ANKHD1: variants seen among roughly 807,000 people sequenced by gnomAD.
The protein encoded by ANKHD1 is ankyrin repeat and KH domain containing 1.
Under a neutral mutation model 230.5 loss-of-function variants are expected in ANKHD1, and 31 were observed. That is an observed-to-expected ratio of 0.13 (90% confidence interval 0.10 to 0.18). The LOEUF (loss-of-function observed/expected upper bound fraction) is 0.18. Among genes scored for constraint, ANKHD1 ranks in the 10% least tolerant of loss-of-function variants. ANKHD1 has a pLI of 1.00. For missense variants in ANKHD1, 2,256 were observed against 3,071.3 expected (o/e 0.73, Z 6.27); for synonymous variants, 1,074 against 1,117.6 (o/e 0.96, Z 0.78).
At chr5:140,403,232 G>A (rs901165194) in intron 1 of ANKHD1, among the ~76,000 whole-genome samples, 2 of 152,008 alleles carry the variant, frequency 1.3e-5, no homozygotes. Flanking sequence ...GCCTCCCAAA[G>A]TGCTGGGATT....
chr5:140,492,600 T>C (rs914627381), intron 14 of ANKHD1, among the ~76,000 whole-genome samples: 39 of 152,204 alleles, frequency 2.6e-4, no homozygotes, highest in African/African-American at 2.2e-4. Flanking sequence ...TTTTTAGTTA[T>C]ACTTTTTCAA....
chr5:140,447,757 AGAT>A (rs1178430939), intron 6 of ANKHD1, among the ~76,000 whole-genome samples: 1 of 152,206 alleles, frequency 6.6e-6, no homozygotes, highest in African/African-American at 2.4e-5. Flanking sequence ...CCTAAAACCA[AGAT>A]GATAGCTAGG....
chr5:140,469,241 G>A (rs1305395730), intron 10 of ANKHD1, among the ~76,000 whole-genome samples: 1 of 150,114 alleles, frequency 6.7e-6, no homozygotes, highest in Non-Finnish European at 1.5e-5. Context: ...AGTAGCTCAA[G>A]TCTTTAATCC....
Position 140,482,641 on chromosome 5 carries a change from G to C in ANKHD1, c.1844G>C (p.Cys615Ser). 6.2e-7 allele frequency: 1 copy of C among 1,612,936 alleles called. No individual in the cohort carries two copies. The highest frequency in any genetic ancestry group is 8.5e-7 in the Non-Finnish European group (1 of 1,179,526). ...LMKAARAGHL[C>S]TVQFLISKGA... Reference sequence around the variant, plus strand: ...AAAGCTGCAAGAGCTGGTCATTTGTGCACTGTGCAGTTTCTTATTAGCAAA... The same window carrying C: ...AAAGCTGCAAGAGCTGGTCATTTGTCCACTGTGCAGTTTCTTATTAGCAAA... Residue 615 changes from cysteine to serine, a missense_variant, in exon 11 of 34, where the codon TGC (cysteine) becomes TCC (serine). Physicochemically the swap from Cys to Ser is moderately radical, Grantham distance 112 (BLOSUM62 -1). This residue lies in a region of ANKHD1 where 179 missense variants were observed against 261.8 expected (regional missense o/e 0.68). Coordinates refer to ENST00000360839, the MANE Select transcript of ANKHD1 (RefSeq NM_017747.3).
chr5:140,411,443 A>G (rs908809541), intron 1 of ANKHD1, among the ~76,000 whole-genome samples: 1 of 151,178 alleles, frequency 6.6e-6, no homozygotes, highest in African/African-American at 2.4e-5. Context: ...TTGCTTATAA[A>G]TGCCTCTTTC....
chr5:140,502,303 T>C (rs1752342651), intron 15 of ANKHD1, among the ~76,000 whole-genome samples: 2 of 152,214 alleles, frequency 1.3e-5, no homozygotes, highest in African/African-American at 2.4e-5. Flanking sequence ...TGCTATGGAA[T>C]GTTTCTGACT....
chr5:140,415,143 G>T (rs953770993), intron 1 of ANKHD1, among the ~76,000 whole-genome samples: 2 of 152,074 alleles, frequency 1.3e-5, no homozygotes, highest in East Asian at 2.0e-4. Flanking sequence ...CAGCGCTTTG[G>T]GGGGCCGAGG....
At chr5:140,430,396 A>G (rs558609776) in intron 1 of ANKHD1, among the ~76,000 whole-genome samples, 1 of 152,336 alleles carries the variant, frequency 6.6e-6, no homozygotes, top group South Asian at 2.1e-4. Context: ...AATAGAGATG[A>G]GCTATGTAAC....
intron 24 of ANKHD1, among the ~76,000 whole-genome samples, chr5:140,522,345 C>T (rs1753389263): frequency 6.6e-6 from 1 of 152,178 alleles, no homozygotes; most frequent in Non-Finnish European, 1.5e-5. Flanking sequence ...TGTAGACAGA[C>T]CACATTTTGT....
At chr5:140,444,087 C>A (rs1041622136) in intron 5 of ANKHD1, among the ~76,000 whole-genome samples, 1 of 145,414 alleles carries the variant, frequency 6.9e-6, no homozygotes, top group Non-Finnish European at 1.5e-5. Flanking sequence ...AGTCCCCCCC[C>A]CCCTTTTTTT....
intron 10 of ANKHD1, among the ~76,000 whole-genome samples, chr5:140,479,742 AT>A (rs1561782483): frequency 1.3e-4 from 20 of 149,364 alleles, no homozygotes; most frequent in East Asian, 7.8e-4. Flanking sequence ...GTATATATAT[AT>A]ACTTATATAT....
chr5:140,513,499 T>C lies in ANKHD1; in HGVS notation c.4317+20T>C. 1 of 1,608,696 alleles carries C rather than the reference T, an allele frequency of 6.2e-7. No homozygotes were observed. The highest frequency in any genetic ancestry group is 1.1e-5 in the South Asian group (1 of 90,202). ...GAAAAGGTGAGTGGGAAAAATAATT[T>C]TCCTTTTTAGAAATTATTGAGGGTG... On this transcript the variant is annotated intron_variant, in intron 24 of 33. Transcript: ENST00000360839.
rs772018665 is a variant in ANKHD1, at chr5:140,485,778, A to G, written c.2142+46A>G. The stretch of plus-strand genomic sequence containing the variant: ...TTTGTTAATATAAATATTCTTCAAC[A>G]TGATTAGAAGTTTTTGTTTAAAATC... On this transcript the variant is annotated intron_variant, in intron 13 of 33. Transcript: ENST00000360839. This position sits in a 1 kb window ranked among gnomAD's most constrained non-coding sequence, Gnocchi z 4.8. 6.2e-7 allele frequency: 1 copy of G among 1,601,428 alleles called. No individual in the cohort carries two copies. The highest frequency in any genetic ancestry group is 1.8e-5 in the Admixed American group (1 of 55,818).
At chr5:140,402,909 C>G (rs944546418) in intron 1 of ANKHD1, among the ~76,000 whole-genome samples, 2 of 150,218 alleles carry the variant, frequency 1.3e-5, no homozygotes, top group African/African-American at 4.9e-5. Context: ...AGCTGGGTAG[C>G]TGAACTCGGA....
intron 1 of ANKHD1, among the ~76,000 whole-genome samples, chr5:140,424,916 G>A (rs1561699154): frequency 6.6e-6 from 1 of 151,980 alleles, no homozygotes; most frequent in Non-Finnish European, 1.5e-5. Context: ...TGTGATCTTG[G>A]GCCAGTCACT....
At position 140,528,898 on chromosome 5, in the gene ANKHD1, T is replaced by C. The variant is rs1043278047; in HGVS notation, c.5952T>C (p.Ser1984=). The part of the protein sequence containing the change: ...TVISSVTSTC[S]SLPSVSSAPI... ...TTTCTTCTGTGACAAGCACTTGTAGTTCCCTGCCTTCTGTCTCCTCTGCAC... is the reference window on the plus strand; with the variant it reads ...TTTCTTCTGTGACAAGCACTTGTAGCTCCCTGCCTTCTGTCTCCTCTGCAC... The change falls in exon 29 of 34, where the codon AGT becomes AGC. Residue 1984 remains serine, a synonymous_variant. Coordinates refer to ENST00000360839, the MANE Select transcript of ANKHD1 (RefSeq NM_017747.3). 6.2e-7 allele frequency: 1 copy of C among 1,614,098 alleles called. No individual in the cohort carries two copies. The highest frequency in any genetic ancestry group is 1.3e-5 in the African/African-American group (1 of 74,954).
chr5:140,496,481 T>TTTTA, intron 14 of ANKHD1, 39 bp from the exon 15 acceptor site: 3 of 1,162,268 alleles, frequency 2.6e-6, no homozygotes, highest in Non-Finnish European at 3.3e-6. Flanking sequence ...TTTTTTTTTT[T>TTTTA]TAGCATGGCA....
At chr5:140,482,505 T>G (rs992936636) in intron 10 of ANKHD1, 75 bp from the exon 11 acceptor site, 44 of 1,509,038 alleles carry the variant, frequency 2.9e-5, no homozygotes, top group Middle Eastern at 1.8e-4. Flanking sequence ...TATTTCTCAT[T>G]TCATCAGTAC....
intron 1 of ANKHD1, among the ~76,000 whole-genome samples, chr5:140,435,485 A>G (rs1196819977): frequency 2.0e-5 from 3 of 151,496 alleles, no homozygotes; most frequent in East Asian, 3.9e-4. Context: ...GGTTCAAGCA[A>G]TTCTGCCTCA....
Sources: allele counts gnomAD v4.1 joint callset (sites outside exome capture counted in the v4.1 genomes callset), GRCh38; gene constraint gnomAD v4.1.1; regional missense constraint gnomAD v4.1.1; non-coding constraint Gnocchi (gnomAD v3.1); transcripts MANE v1.5; gene names NCBI Gene and HGNC (gene_info 2026-07-23, HGNC 2026-07-21).